Variants in LRMDA observed in about 807,000 individuals in gnomAD.
LRMDA encodes leucine-rich melanocyte differentiation-associated protein.
Under a neutral mutation model 29.8 loss-of-function variants are expected in LRMDA, and 18 were observed. That is an observed-to-expected ratio of 0.60 (90% CI 0.42 to 0.90). The LOEUF is 0.90. Ranked by LOEUF, LRMDA falls within the 40% of genes least tolerant of loss-of-function variation. The pLI is 0.00. For missense variants in LRMDA, 273 were observed against 273.9 expected (o/e 1.00, Z 0.02); for synonymous variants, 125 against 109.4 (o/e 1.14, Z -0.89).
At chr10:76,024,954 C>T (rs73279702) in intron 2 of LRMDA, among the ~76,000 whole-genome samples, 63 of 152,314 alleles carry the variant, frequency 4.1e-4, no homozygotes, top group African/African-American at 1.3e-3. Flanking sequence ...CGCCCCATGG[C>T]GAGGTGCACG....
intron 6 of LRMDA, 148 bp downstream of exon 6, chr10:76,324,633 G>C (rs917394507): frequency 1.5e-6 from 1 of 664,600 alleles, no homozygotes; most frequent in African/African-American, 1.8e-5. Flanking sequence ...CCTGTCACAC[G>C]TAGTGATTTT....
At chr10:75,722,698 T>C (rs1842583362) in intron 2 of LRMDA, among the ~76,000 whole-genome samples, 1 of 152,126 alleles carries the variant, frequency 6.6e-6, no homozygotes. Context: ...GAGTTTTCTG[T>C]TGGAAACAGC....
intron 2 of LRMDA, among the ~76,000 whole-genome samples, chr10:75,914,667 C>T (rs553479126): frequency 1.3e-5 from 2 of 152,278 alleles, no homozygotes; most frequent in East Asian, 3.9e-4. Context: ...GAGTACACAT[C>T]CCTCAGTTAA....
At chr10:75,560,167 A>G (rs1262575038) in intron 2 of LRMDA, among the ~76,000 whole-genome samples, 2 of 151,846 alleles carry the variant, frequency 1.3e-5, no homozygotes, top group Non-Finnish European at 2.9e-5. Flanking sequence ...ACCCATGAGC[A>G]TGGAATGTTC....
intron 2 of LRMDA, among the ~76,000 whole-genome samples, chr10:75,519,422 C>T (rs1845330137): frequency 2.0e-5 from 3 of 152,158 alleles, no homozygotes; most frequent in South Asian, 2.1e-4. Flanking sequence ...TGCATTGATC[C>T]CTTTACCATT....
chr10:76,212,081 A>G (rs942555388), intron 5 of LRMDA, among the ~76,000 whole-genome samples: 1 of 152,310 alleles, frequency 6.6e-6, no homozygotes, highest in South Asian at 2.1e-4. Flanking sequence ...ACAGAATCTT[A>G]TAGATTATCA....
In LRMDA at chr10:76,137,101, G is replaced by A. The variant is rs139249628; in HGVS notation, c.516+78318G>A. Among the ~76,000 whole-genome samples the A allele has an allele frequency of 6.8e-3, 1,028 of 152,254 alleles. 10 individuals are homozygous for A. The highest frequency in any genetic ancestry group is 0.011 in the Non-Finnish European group (762 of 68,012). On this transcript the variant is annotated intron_variant, in intron 5 of 6. Coordinates refer to ENST00000611255, the MANE Select transcript of LRMDA (RefSeq NM_001305581.2). ...CCTTTTAGAAGGGCCACGCTCCACCGCTCTGCTGTGTTGATACTACCGACC... is the reference window on the plus strand; with the variant it reads ...CCTTTTAGAAGGGCCACGCTCCACCACTCTGCTGTGTTGATACTACCGACC...
intron 6 of LRMDA, among the ~76,000 whole-genome samples, chr10:76,495,246 G>GC (rs139056439): frequency 0.7 from 105,217 of 151,102 alleles, 38,024 homozygotes; most frequent in Non-Finnish European, 0.81. Context: ...ATGTCCAGCT[G>GC]CCCATCATAA....
At chr10:76,112,201 G>T (rs569103284) in intron 5 of LRMDA, among the ~76,000 whole-genome samples, 2 of 152,176 alleles carry the variant, frequency 1.3e-5, no homozygotes, top group Admixed American at 1.3e-4. Context: ...TCCTTCTAGC[G>T]GCGAGGAATG....
chr10:75,565,746 T>A (rs1348019685), intron 2 of LRMDA, among the ~76,000 whole-genome samples: 1 of 152,180 alleles, frequency 6.6e-6, no homozygotes, highest in African/African-American at 2.4e-5. Flanking sequence ...CCTACTTAGT[T>A]TTAAACTCTA....
intron 2 of LRMDA, among the ~76,000 whole-genome samples, chr10:75,784,372 A>G (rs1410493089): frequency 6.6e-6 from 1 of 152,216 alleles, no homozygotes; most frequent in Admixed American, 6.5e-5. Context: ...CATGTTAACC[A>G]TGATTACTAT....
At chr10:76,053,098 C>A (rs1848556615) in intron 4 of LRMDA, among the ~76,000 whole-genome samples, 1 of 152,106 alleles carries the variant, frequency 6.6e-6, no homozygotes, top group Admixed American at 6.5e-5. Flanking sequence ...TTCCTTCAAC[C>A]ATTGCTGTTT....
chr10:76,111,901 C>T (rs908026906), intron 5 of LRMDA, among the ~76,000 whole-genome samples: 1 of 152,128 alleles, frequency 6.6e-6, no homozygotes, highest in Non-Finnish European at 1.5e-5. Flanking sequence ...GTGACGCCAA[C>T]GTTGCGGCAC....
chr10:75,560,793 A>C (rs1361627713), intron 2 of LRMDA, among the ~76,000 whole-genome samples: 2 of 152,010 alleles, frequency 1.3e-5, no homozygotes, highest in Admixed American at 6.6e-5. Context: ...TGAGATAATC[A>C]TGTGGTTTTT....
At chr10:76,287,026 G>T (rs184109231) in intron 5 of LRMDA, among the ~76,000 whole-genome samples, 1 of 152,236 alleles carries the variant, frequency 6.6e-6, no homozygotes, top group African/African-American at 2.4e-5. Flanking sequence ...CAGAGACAAT[G>T]ATATAATTAT....
At chr10:75,804,019 G>A (rs1018005320) in intron 2 of LRMDA, among the ~76,000 whole-genome samples, 1 of 152,192 alleles carries the variant, frequency 6.6e-6, no homozygotes. Flanking sequence ...TGTACATCTT[G>A]TTTCAGAGAT....
At chr10:75,597,143 C>T (rs1034097423) in intron 2 of LRMDA, among the ~76,000 whole-genome samples, 3 of 152,082 alleles carry the variant, frequency 2.0e-5, no homozygotes, top group African/African-American at 7.2e-5. Context: ...AAAACCATGC[C>T]TAAAAATCAT....
chr10:76,157,713 T>C (rs939631303), intron 5 of LRMDA, among the ~76,000 whole-genome samples: 5 of 151,118 alleles, frequency 3.3e-5, no homozygotes, highest in African/African-American at 1.2e-4. Context: ...TTAGTGACAA[T>C]AAAAAAAATT....
chr10:75,627,405 G>A lies in LRMDA; in HGVS notation c.131+188911G>A, dbSNP rs145404633. Reference sequence around the variant, plus strand: ...CTGTTCTCCAGATATTTGAAGATATGGAAAAAGATGATTTTTAGAAAAGAT... The same window carrying A: ...CTGTTCTCCAGATATTTGAAGATATAGAAAAAGATGATTTTTAGAAAAGAT... On this transcript the variant is annotated intron_variant, in intron 2 of 6. Transcript: ENST00000611255. Among the ~76,000 whole-genome samples, 298 of 152,280 alleles carry A rather than the reference G, an allele frequency of 2.0e-3. 6 individuals carry two copies. The East Asian group carries it at 0.024, about 12-fold the overall frequency.
Sources: allele counts gnomAD v4.1 joint callset (sites outside exome capture counted in the v4.1 genomes callset), GRCh38; gene constraint gnomAD v4.1.1; transcripts MANE v1.5; gene names NCBI Gene and HGNC (gene_info 2026-07-23, HGNC 2026-07-21).